Variants in MTAP observed in about 807,000 individuals in gnomAD.
MTAP encodes S-methyl-5'-thioadenosine phosphorylase.
In MTAP, 33 loss-of-function variants were observed where a neutral mutation model predicts 33.6. The ratio of observed to expected loss-of-function variants is 0.98; its 90% CI spans 0.74 to 1.31. The LOEUF is 1.31. Among genes scored for constraint, MTAP ranks in the 40% most tolerant of loss-of-function variants. The pLI, the probability that MTAP is intolerant of heterozygous loss-of-function variation, is 0.00. For missense variants in MTAP, 367 were observed against 360.0 expected (o/e 1.02, Z -0.16); for synonymous variants, 148 against 125.7 (o/e 1.18, Z -1.19).
In MTAP at chr9:21,920,438, T is replaced by A. The variant is rs150046238; in HGVS notation, c.148-10570T>A. On this transcript the variant is annotated intron_variant, in intron 1 of 1. Coordinates refer to the MTAP transcript ENST00000577563. ...ACAATTGCAGGCACAGTTGTGAGCATGGGCAAATTCAGGTTTTATGTGACC... is the reference window on the plus strand; with the variant it reads ...ACAATTGCAGGCACAGTTGTGAGCAAGGGCAAATTCAGGTTTTATGTGACC... Among the ~76,000 whole-genome samples, 150 of 152,278 alleles carry A rather than the reference T, an allele frequency of 9.9e-4. 2 individuals are homozygous for A. In the East Asian group the frequency reaches 0.021, roughly 21 times the overall value.
intron 1 of MTAP, among the ~76,000 whole-genome samples, chr9:21,882,089 A>G (rs1293060751): frequency 6.6e-6 from 1 of 152,022 alleles, no homozygotes; most frequent in Non-Finnish European, 1.5e-5. Flanking sequence ...ATGCAAATGT[A>G]GTACAAAATA....
intron 5 of MTAP, among the ~76,000 whole-genome samples, chr9:21,843,188 AAGG>A (rs1825293827): frequency 1.3e-5 from 2 of 152,218 alleles, no homozygotes; most frequent in African/African-American, 2.4e-5. Context: ...ATAATGATAA[AAGG>A]AGTAGTCCAA....
At chr9:21,889,248 T>C (rs992000547) in intron 1 of MTAP, among the ~76,000 whole-genome samples, 45 of 152,276 alleles carry the variant, frequency 3.0e-4, no homozygotes, top group Admixed American at 1.9e-3. Flanking sequence ...CAGTTCTTTC[T>C]TCCACTTGTT....
At chr9:21,927,426 C>T (rs183676434) in intron 1 of MTAP, among the ~76,000 whole-genome samples, 34 of 152,256 alleles carry the variant, frequency 2.2e-4, no homozygotes, top group Admixed American at 1.3e-3. Flanking sequence ...TGCTAAACTA[C>T]CAAGTCTTGT....
At chr9:21,910,141 T>A (rs895739271) in intron 1 of MTAP, among the ~76,000 whole-genome samples, 1 of 152,140 alleles carries the variant, frequency 6.6e-6, no homozygotes, top group Non-Finnish European at 1.5e-5. Flanking sequence ...AATATCTCCA[T>A]AAGAAGATAT....
At chr9:21,842,714 A>T (rs1309408205) in intron 5 of MTAP, among the ~76,000 whole-genome samples, 1 of 152,232 alleles carries the variant, frequency 6.6e-6, no homozygotes, top group African/African-American at 2.4e-5. Context: ...ATGCTGAGAG[A>T]ATTTGCCACT....
intron 6 of MTAP, among the ~76,000 whole-genome samples, chr9:21,856,688 A>G (rs1472949845): frequency 3.9e-5 from 6 of 152,212 alleles, no homozygotes; most frequent in Non-Finnish European, 8.8e-5. Flanking sequence ...TGAAAAGCAG[A>G]GAAATTAAGC....
intron 1 of MTAP, among the ~76,000 whole-genome samples, chr9:21,889,763 C>T (rs1375109750): frequency 6.6e-6 from 1 of 152,098 alleles, no homozygotes; most frequent in Non-Finnish European, 1.5e-5. Context: ...GGTTTCTCAG[C>T]CATGGATACC....
chr9:21,915,746 G>T (rs1378647919), intron 1 of MTAP, among the ~76,000 whole-genome samples: 2 of 152,078 alleles, frequency 1.3e-5, no homozygotes, highest in Admixed American at 6.6e-5. Context: ...AAAAAGCGGA[G>T]CAGCCCAGCA....
At position 21,901,783 on chromosome 9, in the gene MTAP, A is replaced by G. The variant is rs112611118; in HGVS notation, c.148-29225A>G. On this transcript the variant is annotated intron_variant, in intron 1 of 1. Coordinates refer to the MTAP transcript ENST00000577563. ...AGCTTGTGACATTTTCTCATAGGCT[A>G]TTTACAGCCAATGCCATCACAATAC... Among the ~76,000 whole-genome samples, 346 of 152,324 alleles carry G rather than the reference A, an allele frequency of 2.3e-3. 1 individual carries two copies. Among genetic ancestry groups the G allele is most frequent in the African/African-American group, 7.5e-3 (313 of 41,574 alleles).
At chr9:21,910,949 A>G (rs916595213) in intron 1 of MTAP, among the ~76,000 whole-genome samples, 8 of 152,186 alleles carry the variant, frequency 5.3e-5, no homozygotes, top group Non-Finnish European at 8.8e-5. Flanking sequence ...TACCAACCAA[A>G]TGGAAAACAA....
intron 4 of MTAP, among the ~76,000 whole-genome samples, chr9:21,832,089 CTT>C (rs1329634046): frequency 2.0e-5 from 3 of 152,216 alleles, no homozygotes; most frequent in Non-Finnish European, 4.4e-5. Context: ...ATCCTCCCCT[CTT>C]CAGATTATTT....
At chr9:21,839,743 G>A (rs901095412) in intron 5 of MTAP, among the ~76,000 whole-genome samples, 4 of 152,118 alleles carry the variant, frequency 2.6e-5, no homozygotes, top group Admixed American at 2.6e-4. Flanking sequence ...ATGTACTGAT[G>A]GAATAGGACT....
Position 21,829,273 on chromosome 9 carries a change from G to A in MTAP, c.348-8635G>A, listed in dbSNP as rs78565593. Among the ~76,000 whole-genome samples the A allele has an allele frequency of 6.5e-3, 986 of 152,142 alleles. 23 individuals are homozygous for A. The highest frequency in any genetic ancestry group is 0.062 in the East Asian group (319 of 5,184). On this transcript the variant is annotated intron_variant, in intron 4 of 7. Transcript: ENST00000644715. ...CACCCCGTGGATTATAGAATTCCAG[G>A]GCAGCTGGGGCAGGAGCATTGAATC... is the stretch of plus-strand genomic sequence containing the variant.
At chr9:21,901,192 C>A (rs1388689747) in intron 1 of MTAP, among the ~76,000 whole-genome samples, 1 of 152,148 alleles carries the variant, frequency 6.6e-6, no homozygotes, top group Non-Finnish European at 1.5e-5. Flanking sequence ...CCAAAATACA[C>A]ATTGACAAAA....
intron 1 of MTAP, chr9:21,930,703 G>A (rs894550609): frequency 6.8e-6 from 4 of 590,360 alleles, no homozygotes; most frequent in Non-Finnish European, 1.2e-5. Flanking sequence ...CTCCAAAACT[G>A]TCAAGGACTA....
At chr9:21,935,712 A>G (rs1819031377), downstream of MTAP, 1 of 151,884 alleles carries the variant, frequency 6.6e-6, no homozygotes, top group South Asian at 2.1e-4. Flanking sequence ...AACATTTTAG[A>G]TGTAAGTTTG....
chr9:21,931,270 CCTT>C, downstream of MTAP: 1 of 596,082 alleles, frequency 1.7e-6, no homozygotes, highest in Admixed American at 2.9e-5. Context: ...AGAAGACTGA[CCTT>C]CATCCAGTTT....
rs1044240989 is a variant in MTAP, at chr9:21,922,878, C to T, written c.148-8130C>T. On this transcript the variant is annotated intron_variant, in intron 1 of 1. Coordinates refer to the MTAP transcript ENST00000577563. The surrounding 1 kb of genome is among the most constrained non-coding windows in gnomAD (Gnocchi z 4.8). Reference sequence around the variant, plus strand: ...TAATGGCCCTCCTAGACAGGAGGCTCATGAGAGTGGTAGGGCTAAAGCCTA... The same window carrying T: ...TAATGGCCCTCCTAGACAGGAGGCTTATGAGAGTGGTAGGGCTAAAGCCTA... 1.3e-5 allele frequency among the ~76,000 whole-genome samples: 2 copies of T among 152,148 alleles called. No homozygotes were observed. Among genetic ancestry groups the T allele is most frequent in the Non-Finnish European group, 2.9e-5 (2 of 68,024 alleles).
Sources: allele counts gnomAD v4.1 joint callset (sites outside exome capture counted in the v4.1 genomes callset), GRCh38; gene constraint gnomAD v4.1.1; non-coding constraint Gnocchi (gnomAD v3.1); transcripts MANE v1.5; gene names NCBI Gene and HGNC (gene_info 2026-07-23, HGNC 2026-07-21).